UXS1: variants seen among roughly 807,000 people sequenced by gnomAD.
UXS1 encodes UDP-glucuronic acid decarboxylase 1.
In UXS1, 33 loss-of-function variants were observed where a neutral mutation model predicts 62.6. The observed-to-expected ratio is 0.53, with a 90% confidence interval of 0.40 to 0.70. UXS1 has a LOEUF of 0.70. Among genes scored for constraint, UXS1 ranks in the 30% least tolerant of loss-of-function variants. The pLI, the probability that UXS1 is intolerant of heterozygous loss-of-function variation, is 0.00. For missense variants in UXS1, 434 were observed against 556.3 expected, an observed-to-expected ratio of 0.78 and a Z score of 2.21; for synonymous variants, 213 against 206.8, an observed-to-expected ratio of 1.03 and a Z score of -0.26.
chr2:106,176,692 C>G (rs1683902516), intron 1 of UXS1, among the ~76,000 whole-genome samples: 1 of 152,236 alleles, frequency 6.6e-6, no homozygotes, highest in Non-Finnish European at 1.5e-5. Flanking sequence ...TGTGCTCATT[C>G]TAAGCGGTTA....
At chr2:106,166,220 CT>C in intron 1 of UXS1, 137 bp from the exon 2 acceptor site, 1 of 783,976 alleles carries the variant, frequency 1.3e-6, no homozygotes, top group Non-Finnish European at 2.0e-6. Flanking sequence ...AAAATGCATA[CT>C]TTGTTTTCAA....
chr2:106,103,058 T>A (rs1573399379), intron 11 of UXS1: 1 of 152,440 alleles, frequency 6.6e-6, no homozygotes, highest in East Asian at 1.9e-4. Context: ...ACGATGCATG[T>A]GATGGCAGCT....
chr2:106,111,214 C>G (rs1678573669), intron 10 of UXS1, among the ~76,000 whole-genome samples: 1 of 152,040 alleles, frequency 6.6e-6, no homozygotes, highest in Non-Finnish European at 1.5e-5. Context: ...TCTGGATCTA[C>G]CTAGGGAGGG....
At chr2:106,167,941 C>G (rs1683309495) in intron 1 of UXS1, among the ~76,000 whole-genome samples, 1 of 152,170 alleles carries the variant, frequency 6.6e-6, no homozygotes, top group African/African-American at 2.4e-5. Context: ...GTAGGCAGAT[C>G]ACCTGAGGTC....
chr2:106,152,161 G>A (rs776724906), intron 5 of UXS1, among the ~76,000 whole-genome samples: 4 of 152,180 alleles, frequency 2.6e-5, no homozygotes, highest in Admixed American at 1.3e-4. Context: ...TGCTAAGCAC[G>A]TACAGCAAAT....
At chr2:106,124,639 T>C (rs900173382) in intron 8 of UXS1, among the ~76,000 whole-genome samples, 2 of 152,126 alleles carry the variant, frequency 1.3e-5, no homozygotes, top group South Asian at 2.1e-4. Flanking sequence ...ATAAATGAGA[T>C]GAGTAGGGGA....
chr2:106,127,786 C>T (rs1194243789), intron 7 of UXS1, among the ~76,000 whole-genome samples: 2 of 152,182 alleles, frequency 1.3e-5, no homozygotes, highest in South Asian at 4.1e-4. Context: ...CTCCCTTTGC[C>T]TTTTGTATCT....
chr2:106,174,977 C>T (rs1432929539), intron 1 of UXS1, among the ~76,000 whole-genome samples: 1 of 152,192 alleles, frequency 6.6e-6, no homozygotes, highest in Non-Finnish European at 1.5e-5. Flanking sequence ...CATTTCCAAA[C>T]ACATCCTCTA....
intron 5 of UXS1, among the ~76,000 whole-genome samples, chr2:106,147,758 C>T (rs753741300): frequency 1.3e-5 from 2 of 152,178 alleles, no homozygotes; most frequent in African/African-American, 2.4e-5. Flanking sequence ...CCGCCTGCCT[C>T]GGGCACACTT....
At chr2:106,097,609 T>G in intron 13 of UXS1, 1 of 225,306 alleles carries the variant, frequency 4.4e-6, no homozygotes, top group Non-Finnish European at 9.1e-6. Flanking sequence ...CACGCACGGA[T>G]CACCTGAAGA....
chr2:106,164,483 C>T (rs575220807), intron 3 of UXS1, among the ~76,000 whole-genome samples: 3 of 152,294 alleles, frequency 2.0e-5, no homozygotes, highest in African/African-American at 7.2e-5. Context: ...CTCTAAAAAA[C>T]GCTTACCTGA....
intron 1 of UXS1, among the ~76,000 whole-genome samples, chr2:106,181,029 T>A (rs1684208046): frequency 6.6e-6 from 1 of 152,074 alleles, no homozygotes; most frequent in Non-Finnish European, 1.5e-5. Flanking sequence ...AATGAATGAA[T>A]CTCCTTAGTT....
At chr2:106,157,559 C>A (rs1682536990) in intron 5 of UXS1, among the ~76,000 whole-genome samples, 1 of 152,200 alleles carries the variant, frequency 6.6e-6, no homozygotes, top group South Asian at 2.1e-4. Flanking sequence ...CACACGAAAA[C>A]TTACACACAT....
chr2:106,124,553 G>C lies in UXS1; in HGVS notation c.637+1067C>G, dbSNP rs546220432. ...TATTCAAGGTCAGAGGAGAGCACCT[G>C]GTGACTTCCATAAATTACACTCTCC... is the stretch of plus-strand genomic sequence containing the variant. On this transcript the variant is annotated intron_variant, in intron 8 of 14. Coordinates refer to ENST00000283148, the MANE Select transcript of UXS1 (RefSeq NM_001253875.2). Among the ~76,000 whole-genome samples the C allele has an allele frequency of 7.9e-5, 12 of 152,294 alleles. No individual in the cohort carries two copies. In the South Asian group the frequency reaches 2.5e-3, roughly 32 times the overall value.
intron 4 of UXS1, among the ~76,000 whole-genome samples, chr2:106,163,346 T>C (rs931844244): frequency 6.6e-6 from 1 of 152,148 alleles, no homozygotes; most frequent in Non-Finnish European, 1.5e-5. Flanking sequence ...TCAGGCCCAC[T>C]GGATTGTCCT....
intron 1 of UXS1, among the ~76,000 whole-genome samples, chr2:106,185,568 A>C (rs1368037428): frequency 6.6e-6 from 1 of 152,246 alleles, no homozygotes; most frequent in Admixed American, 6.5e-5. Flanking sequence ...AGACTAAAAG[A>C]AGCTACGGGT....
At chr2:106,172,240 C>T (rs114821733) in intron 1 of UXS1, among the ~76,000 whole-genome samples, 3,798 of 152,262 alleles carry the variant, frequency 0.025, 64 homozygotes, top group Non-Finnish European at 0.037. Flanking sequence ...GGGGTGGATC[C>T]ACCTCAGACT....
chr2:106,104,307 C>T (rs1206969931), intron 11 of UXS1, among the ~76,000 whole-genome samples: 1 of 152,198 alleles, frequency 6.6e-6, no homozygotes, highest in African/African-American at 2.4e-5. Context: ...ATAAAAATCA[C>T]CACGTGAATC....
At position 106,104,783 on chromosome 2, in the gene UXS1, G is replaced by A. The variant is rs537341005; in HGVS notation, c.923+11C>T. 1 of 1,613,966 alleles carries A rather than the reference G, an allele frequency of 6.2e-7. No homozygotes were observed. Among genetic ancestry groups the A allele is most frequent in the East Asian group, 2.2e-5 (1 of 44,876 alleles). The stretch of plus-strand genomic sequence containing the variant: ...CACTGCTAAGGCTGGGGCAGGGCAG[G>A]ACAGTCTTACCTGACGTACTGGAAC... On this transcript the variant is annotated intron_variant, in intron 11 of 14. Coordinates refer to ENST00000283148, the MANE Select transcript of UXS1 (RefSeq NM_001253875.2).
Sources: gnomAD v4.1 joint callset for allele counts (sites outside exome capture counted in the v4.1 genomes callset) on GRCh38, gnomAD v4.1.1 for gene constraint, MANE v1.5 for transcripts, NCBI Gene and HGNC (gene_info 2026-07-23, HGNC 2026-07-21) for gene names.